Variants in LINGO2 observed in about 807,000 individuals in gnomAD.
LINGO2 encodes leucine-rich repeat and immunoglobulin-like domain-containing nogo receptor-interacting protein 2.
A neutral mutation model predicts 30.6 loss-of-function variants in LINGO2; 14 were observed. That is an observed-to-expected ratio of 0.46 (90% CI 0.30 to 0.72). LINGO2 has a LOEUF of 0.72. Among genes scored for constraint, LINGO2 ranks in the 30% least tolerant of loss-of-function variants. The probability of loss-of-function intolerance (pLI) is 0.07; values close to 1 mark genes in which losing one functional copy is unlikely to be tolerated. For synonymous variants in LINGO2, 317 were observed against 288.5 expected, an observed-to-expected ratio of 1.10 and a Z score of -1.00; for missense variants, 729 against 751.7, an observed-to-expected ratio of 0.97 and a Z score of 0.35.
chr9:29,040,716 A>G, the LINGO2 span, among the ~76,000 whole-genome samples: 1 of 152,092 alleles, frequency 6.6e-6, no homozygotes, highest in Admixed American at 6.6e-5. Context: ...GCATATTTAA[A>G]TTATTAGGAT....
At chr9:28,152,901 T>C (rs1300633184) in intron 4 of LINGO2, among the ~76,000 whole-genome samples, 1 of 152,154 alleles carries the variant, frequency 6.6e-6, no homozygotes, top group Non-Finnish European at 1.5e-5. Flanking sequence ...CAGTCTTCCT[T>C]AAACAACATA....
intron 4 of LINGO2, among the ~76,000 whole-genome samples, chr9:28,025,749 T>C (rs1261994866): frequency 1.3e-5 from 2 of 152,180 alleles, no homozygotes; most frequent in Non-Finnish European, 2.9e-5. Flanking sequence ...AAGAGAGACA[T>C]CAGGGTAGGC....
the LINGO2 span, among the ~76,000 whole-genome samples, chr9:28,831,905 T>C: frequency 1.3e-5 from 2 of 152,222 alleles, no homozygotes; most frequent in African/African-American, 2.4e-5. Context: ...TTATATTTAT[T>C]ATTTGACTCT....
At chr9:28,306,500 A>G (rs1824363301) in intron 3 of LINGO2, among the ~76,000 whole-genome samples, 1 of 152,138 alleles carries the variant, frequency 6.6e-6, no homozygotes, top group South Asian at 2.1e-4. Context: ...CTGACACCCT[A>G]ACATCACAAT....
chr9:28,842,472 T>C, the LINGO2 span, among the ~76,000 whole-genome samples: 4 of 151,834 alleles, frequency 2.6e-5, 1 homozygote, highest in African/African-American at 9.7e-5. Context: ...TGGAAATGAA[T>C]GGAGATTGTC....
rs565265287 is a variant in LINGO2, at chr9:28,130,862, C to T, written c.-86-118457G>A. ...TTATGTACATATGTTCCCATGAATG[C>T]GTTTGAGGCCTTTCAAAATAGGGCC... On this transcript the variant is annotated intron_variant, in intron 4 of 5. Transcript: ENST00000379992. This position sits in a 1 kb window ranked among gnomAD's most constrained non-coding sequence, Gnocchi z 5.2. Among the ~76,000 whole-genome samples the T allele has an allele frequency of 1.3e-5, 2 of 152,218 alleles. No homozygotes were observed. Among genetic ancestry groups the T allele is most frequent in the East Asian group, 1.9e-4 (1 of 5,182 alleles).
the LINGO2 span, among the ~76,000 whole-genome samples, chr9:29,008,955 C>A: frequency 1.3e-5 from 2 of 151,974 alleles, no homozygotes; most frequent in Admixed American, 6.6e-5. Context: ...TCAACAGATG[C>A]AAAAAAGGCC....
chr9:28,923,103 C>G, the LINGO2 span, among the ~76,000 whole-genome samples: 292 of 152,306 alleles, frequency 1.9e-3, 4 homozygotes, highest in African/African-American at 6.6e-3. Flanking sequence ...AATGGATTTT[C>G]TCCCAAAGTA....
chr9:28,022,268 A>T (rs891603756), intron 4 of LINGO2, among the ~76,000 whole-genome samples: 7 of 152,218 alleles, frequency 4.6e-5, no homozygotes, highest in Admixed American at 3.9e-4. Flanking sequence ...TCTTCGTGAC[A>T]TTGCTATCAT....
At chr9:28,601,552 GCAATT>G (rs1825476200) in intron 1 of LINGO2, among the ~76,000 whole-genome samples, 4 of 49,750 alleles carry the variant, frequency 8.0e-5, no homozygotes, top group Admixed American at 5.4e-4. Context: ...AGAGTGTGTG[GCAATT>G]GAGTGAGTGG....
At chr9:28,838,798 A>G in the LINGO2 span, among the ~76,000 whole-genome samples, 2 of 152,168 alleles carry the variant, frequency 1.3e-5, no homozygotes, top group Non-Finnish European at 2.9e-5. Context: ...GGCAGGCTAC[A>G]CTTGGCTATG....
At chr9:28,516,119 T>C (rs948560326) in intron 1 of LINGO2, among the ~76,000 whole-genome samples, 1 of 152,240 alleles carries the variant, frequency 6.6e-6, no homozygotes. Context: ...ATAATGTTAT[T>C]GCCCATTTAA....
At chr9:28,750,342 A>G in the LINGO2 span, among the ~76,000 whole-genome samples, 1,588 of 152,200 alleles carry the variant, frequency 0.01, 44 homozygotes, top group African/African-American at 0.037. Context: ...CCAAGATTCT[A>G]TTTTCCTCTC....
the LINGO2 span, among the ~76,000 whole-genome samples, chr9:28,976,280 T>A: frequency 6.6e-6 from 1 of 152,114 alleles, no homozygotes; most frequent in Middle Eastern, 3.2e-3. Flanking sequence ...AGTAACAACA[T>A]AGAACCCTAG....
chr9:28,397,930 G>T (rs531972844), intron 2 of LINGO2, among the ~76,000 whole-genome samples: 12 of 152,124 alleles, frequency 7.9e-5, no homozygotes, highest in African/African-American at 2.9e-4. Flanking sequence ...TGTGATCTTT[G>T]TACCTCTCTT....
chr9:28,265,170 AACAC>A (rs34681290), intron 4 of LINGO2, among the ~76,000 whole-genome samples: 2 of 150,170 alleles, frequency 1.3e-5, no homozygotes, highest in African/African-American at 2.4e-5. Flanking sequence ...ACAACAACAC[AACAC>A]ACACACACAC....
chr9:28,332,758 C>T (rs13289997), intron 3 of LINGO2, among the ~76,000 whole-genome samples: 26,251 of 151,988 alleles, frequency 0.17, 2,984 homozygotes, highest in Non-Finnish European at 0.25. Context: ...AAGAATTCAA[C>T]GCATGCCTGG....
chr9:28,240,614 C>T (rs567917076), intron 4 of LINGO2, among the ~76,000 whole-genome samples: 13 of 152,174 alleles, frequency 8.5e-5, no homozygotes, highest in African/African-American at 2.9e-4. Context: ...AACTTGATCC[C>T]CATCTCTTAT....
At chr9:28,301,190 A>T (rs1824127591) in intron 3 of LINGO2, among the ~76,000 whole-genome samples, 1 of 152,138 alleles carries the variant, frequency 6.6e-6, no homozygotes. Flanking sequence ...AGGATATTAC[A>T]AACAACATTT....
Sources: gnomAD v4.1 joint callset for allele counts (sites outside exome capture counted in the v4.1 genomes callset) on GRCh38, gnomAD v4.1.1 for gene constraint, Gnocchi (gnomAD v3.1) non-coding constraint, MANE v1.5 for transcripts, NCBI Gene and HGNC (gene_info 2026-07-23, HGNC 2026-07-21) for gene names.